The following ERC2 variants were observed in gnomAD, a reference collection of about 807,000 sequenced individuals.
The protein encoded by ERC2 is ERC protein 2.
ERC2 carries 42 observed loss-of-function variants against 114.8 expected under a neutral mutation model. That is an observed-to-expected ratio of 0.37 (90% CI 0.29 to 0.47). The LOEUF (loss-of-function observed/expected upper bound fraction) is 0.47, where lower values mean the gene tolerates loss of function less well. Ranked by LOEUF, ERC2 falls within the 20% of genes least tolerant of loss-of-function variation. The pLI is 0.99. For missense variants in ERC2, 939 were observed against 1,150.7 expected, an observed-to-expected ratio of 0.82 and a Z score of 2.66; for synonymous variants, 454 against 425.5, an observed-to-expected ratio of 1.07 and a Z score of -0.82.
intron 12 of ERC2, among the ~76,000 whole-genome samples, chr3:55,952,166 C>T (rs1559922228): frequency 2.7e-4 from 24 of 89,604 alleles, no homozygotes; most frequent in South Asian, 8.5e-4. Context: ...CACACACACA[C>T]ACACACACAC....
chr3:56,411,727 T>C (rs976495034), intron 2 of ERC2, among the ~76,000 whole-genome samples: 2 of 152,170 alleles, frequency 1.3e-5, no homozygotes, highest in Non-Finnish European at 2.9e-5. Context: ...CCAGAAGGGT[T>C]TGGTGACTTT....
chr3:56,466,112 A>G (rs1212827901), intron 1 of ERC2, among the ~76,000 whole-genome samples: 3 of 152,280 alleles, frequency 2.0e-5, no homozygotes, highest in African/African-American at 7.2e-5. Flanking sequence ...ACAAGGTTTA[A>G]AAAAGATAAT....
chr3:55,883,924 ACAACAC>A (rs1366625325), intron 14 of ERC2, among the ~76,000 whole-genome samples: 260 of 146,792 alleles, frequency 1.8e-3, no homozygotes, highest in African/African-American at 6.3e-3. Context: ...AACAACAACA[ACAACAC>A]CACAAAACTG....
chr3:56,451,608 T>C (rs2062831493), intron 1 of ERC2, among the ~76,000 whole-genome samples: 1 of 152,192 alleles, frequency 6.6e-6, no homozygotes, highest in Admixed American at 6.5e-5. Context: ...CAATGGAAAT[T>C]AGAGTAAATG....
intron 17 of ERC2, among the ~76,000 whole-genome samples, chr3:55,522,196 G>A (rs139517824): frequency 6.6e-6 from 1 of 152,116 alleles, no homozygotes; most frequent in Non-Finnish European, 1.5e-5. Context: ...GTCTTCTCTG[G>A]GGGGAGGGGA....
At chr3:55,753,225 T>TC (rs936775655) in intron 14 of ERC2, among the ~76,000 whole-genome samples, 1 of 150,454 alleles carries the variant, frequency 6.6e-6, no homozygotes, top group Admixed American at 6.6e-5. Context: ...TCAACATACT[T>TC]CCCCCCAATC....
chr3:55,792,420 T>A (rs1312170849), intron 14 of ERC2, among the ~76,000 whole-genome samples: 2 of 152,198 alleles, frequency 1.3e-5, no homozygotes, highest in Non-Finnish European at 2.9e-5. Flanking sequence ...ATTATCTTAT[T>A]AATATATAAT....
In ERC2 at chr3:56,055,293, A is replaced by T. The variant is rs191415746; in HGVS notation, c.1641+25524T>A. On this transcript the variant is annotated intron_variant, in intron 7 of 17. Coordinates refer to ENST00000288221, the MANE Select transcript of ERC2 (RefSeq NM_015576.3). Reference sequence around the variant, plus strand: ...CAGTATTCCCTGATGGGGAGGGCAGACTTAGGGGAGAAAAGACAGTCATAG... The same window carrying T: ...CAGTATTCCCTGATGGGGAGGGCAGTCTTAGGGGAGAAAAGACAGTCATAG... Among the ~76,000 whole-genome samples the T allele has an allele frequency of 1.9e-3, 292 of 152,292 alleles. 3 individuals carry two copies. Among genetic ancestry groups the T allele is most frequent in the Middle Eastern group, 3.4e-3 (1 of 294 alleles).
At chr3:55,621,860 C>G (rs1400693955) in intron 17 of ERC2, among the ~76,000 whole-genome samples, 1 of 152,126 alleles carries the variant, frequency 6.6e-6, no homozygotes, top group African/African-American at 2.4e-5. Context: ...AAATGCCAGG[C>G]AGGTGAGTGT....
chr3:56,450,926 T>C (rs943686335), intron 1 of ERC2, among the ~76,000 whole-genome samples: 4 of 152,284 alleles, frequency 2.6e-5, no homozygotes, highest in East Asian at 1.9e-4. Context: ...TTAAAATAAG[T>C]GACGTTTAAT....
At chr3:56,127,908 A>G (rs1036128759) in intron 6 of ERC2, among the ~76,000 whole-genome samples, 3 of 152,098 alleles carry the variant, frequency 2.0e-5, no homozygotes, top group Non-Finnish European at 4.4e-5. Context: ...GGAAAACTGG[A>G]TATCTACATA....
chr3:56,136,702 G>A (rs1351823124), intron 6 of ERC2, among the ~76,000 whole-genome samples: 1 of 151,968 alleles, frequency 6.6e-6, no homozygotes, highest in Non-Finnish European at 1.5e-5. Flanking sequence ...AAAATCCTCT[G>A]CCCACAATCC....
At chr3:55,803,490 G>T (rs1418272054) in intron 14 of ERC2, among the ~76,000 whole-genome samples, 4 of 148,520 alleles carry the variant, frequency 2.7e-5, no homozygotes, top group African/African-American at 5.0e-5. Flanking sequence ...CAAATCAAGG[G>T]CATTTCAACT....
intron 14 of ERC2, among the ~76,000 whole-genome samples, chr3:55,741,017 A>G (rs2065936931): frequency 6.6e-6 from 1 of 152,220 alleles, no homozygotes; most frequent in African/African-American, 2.4e-5. Context: ...TCTGGTCCCA[A>G]GCATTCCAGA....
At chr3:55,728,723 C>T (rs1017916403) in intron 15 of ERC2, among the ~76,000 whole-genome samples, 3 of 152,172 alleles carry the variant, frequency 2.0e-5, no homozygotes, top group Non-Finnish European at 4.4e-5. Context: ...AGGCAACCCC[C>T]AGTGCAGGCC....
chr3:56,415,149 C>T (rs1436433098), intron 2 of ERC2, among the ~76,000 whole-genome samples: 2 of 152,192 alleles, frequency 1.3e-5, no homozygotes, highest in Non-Finnish European at 2.9e-5. Context: ...CCTAGGCATC[C>T]TGGCCTCATG....
At chr3:55,644,212 T>C (rs903759340) in intron 17 of ERC2, among the ~76,000 whole-genome samples, 3 of 152,082 alleles carry the variant, frequency 2.0e-5, no homozygotes, top group African/African-American at 7.2e-5. Flanking sequence ...AGAATAATAA[T>C]AATAGTCGCA....
intron 3 of ERC2, among the ~76,000 whole-genome samples, chr3:56,178,337 A>G (rs2083094127): frequency 6.6e-6 from 1 of 152,214 alleles, no homozygotes; most frequent in Admixed American, 6.6e-5. Flanking sequence ...CTATTACTGT[A>G]TAACAAACCA....
At chr3:56,407,871 C>G (rs2060789379) in intron 2 of ERC2, among the ~76,000 whole-genome samples, 1 of 152,152 alleles carries the variant, frequency 6.6e-6, no homozygotes, top group African/African-American at 2.4e-5. Context: ...CAGATGCACA[C>G]ACTATTCCCC....
Sources: gnomAD v4.1 joint callset for allele counts (sites outside exome capture counted in the v4.1 genomes callset) on GRCh38, gnomAD v4.1.1 for gene constraint, MANE v1.5 for transcripts, NCBI Gene and HGNC (gene_info 2026-07-23, HGNC 2026-07-21) for gene names.